The following MYO5B variants were observed in gnomAD, a reference collection of about 807,000 sequenced individuals.
MYO5B encodes the protein myosin VB.
In MYO5B, 143 loss-of-function variants were observed where a neutral mutation model predicts 229.3. That is an observed-to-expected ratio of 0.62 (90% CI 0.54 to 0.72). The LOEUF is 0.72. MYO5B is among the 30% of genes least tolerant of loss of function. The pLI is 0.00. For synonymous variants in MYO5B, 918 were observed against 885.2 expected (o/e 1.04, Z -0.66); for missense variants, 2,321 against 2,331.0 (o/e 1.00, Z 0.09).
chr18:49,954,784 G>T (rs983037052), intron 12 of MYO5B, among the ~76,000 whole-genome samples: 2 of 152,176 alleles, frequency 1.3e-5, no homozygotes, highest in Non-Finnish European at 2.9e-5. Context: ...TGCAACTGGG[G>T]CTGTGACATC....
chr18:49,928,279 C>T (rs1378980082), intron 17 of MYO5B, among the ~76,000 whole-genome samples: 3 of 152,194 alleles, frequency 2.0e-5, no homozygotes, highest in Non-Finnish European at 4.4e-5. Flanking sequence ...TTTTACACTG[C>T]TGGTGGGAAT....
chr18:49,974,953 C>T (rs949496929), intron 9 of MYO5B, among the ~76,000 whole-genome samples: 2 of 152,200 alleles, frequency 1.3e-5, no homozygotes, highest in Non-Finnish European at 2.9e-5. Context: ...CCCCTCCCTC[C>T]ATGCCAGGCT....
intron 18 of MYO5B, among the ~76,000 whole-genome samples, chr18:49,906,925 A>T (rs1258023566): frequency 2.0e-5 from 3 of 152,228 alleles, no homozygotes; most frequent in Non-Finnish European, 2.9e-5. Flanking sequence ...GGTGAGGATT[A>T]TGAAGAAAAC....
At chr18:49,860,653 T>C (rs2024318702) in intron 29 of MYO5B, among the ~76,000 whole-genome samples, 1 of 152,168 alleles carries the variant, frequency 6.6e-6, no homozygotes, top group South Asian at 2.1e-4. Context: ...TTGAGGATCA[T>C]GAATGCTTAA....
intron 30 of MYO5B, 125 bp downstream of exon 30, chr18:49,856,688 C>G (rs1272274244): frequency 1.2e-6 from 1 of 804,654 alleles, no homozygotes; most frequent in Non-Finnish European, 2.2e-6. Flanking sequence ...CAGGGGCTAC[C>G]AGCCAGACTG....
intron 1 of MYO5B, among the ~76,000 whole-genome samples, chr18:50,116,179 C>T (rs1006083294): frequency 2.6e-5 from 4 of 152,166 alleles, no homozygotes; most frequent in Admixed American, 6.5e-5. Context: ...CCAAAGTTTT[C>T]GGCCATGGGC....
intron 39 of MYO5B, among the ~76,000 whole-genome samples, chr18:49,828,446 T>C (rs371941452): frequency 1.5e-3 from 225 of 152,338 alleles, no homozygotes; most frequent in African/African-American, 5.2e-3. Context: ...GAAGGGAGAA[T>C]TGACAGACTT....
intron 1 of MYO5B, among the ~76,000 whole-genome samples, chr18:50,057,028 A>G (rs1024975806): frequency 6.6e-6 from 1 of 152,236 alleles, no homozygotes; most frequent in Non-Finnish European, 1.5e-5. Flanking sequence ...ATAGTAAAAT[A>G]ATATAGAGCT....
At position 50,001,351 on chromosome 18, in the gene MYO5B, T is replaced by C; in HGVS notation, c.516A>G (p.Ser172=). Residue 172 remains serine (S), a synonymous_variant, in exon 5 of 40, where the codon TCA becomes TCG. Transcript: ENST00000285039. ...SGESGAGKTV[S]AKYAMRYFAT... ...CGAAATAGCGCATGGCATACTTGGC[T>C]GATACCGTCTTCCCGGCTCCAGACT... 6.2e-7 allele frequency: 1 copy of C among 1,614,204 alleles called. No individual in the cohort carries two copies. Among genetic ancestry groups the C allele is most frequent in the African/African-American group, 1.3e-5 (1 of 75,064 alleles).
At chr18:50,054,939 C>A (rs1239090734) in intron 2 of MYO5B, among the ~76,000 whole-genome samples, 3 of 152,138 alleles carry the variant, frequency 2.0e-5, no homozygotes, top group African/African-American at 4.8e-5. Flanking sequence ...CCTGCAGGGA[C>A]CCTTGTAGCA....
intron 22 of MYO5B, among the ~76,000 whole-genome samples, chr18:49,884,729 G>T (rs1461274129): frequency 6.6e-6 from 1 of 152,064 alleles, no homozygotes; most frequent in Non-Finnish European, 1.5e-5. Flanking sequence ...ATGGCCTAGG[G>T]GTTGGGGACT....
intron 4 of MYO5B, among the ~76,000 whole-genome samples, chr18:50,027,081 A>G (rs1436405267): frequency 1.3e-5 from 2 of 152,248 alleles, no homozygotes; most frequent in South Asian, 2.1e-4. Context: ...TACACAGTAG[A>G]AAAAGAAAGA....
intron 9 of MYO5B, 48 bp downstream of exon 9, chr18:49,980,396 C>T (rs760843669): frequency 1.7e-5 from 22 of 1,308,102 alleles, no homozygotes; most frequent in Middle Eastern, 3.6e-4. Flanking sequence ...TATCAAAGAA[C>T]AGGGTAAATT....
chr18:50,007,521 C>G (rs1232557466), intron 4 of MYO5B, among the ~76,000 whole-genome samples: 1 of 152,128 alleles, frequency 6.6e-6, no homozygotes, highest in Non-Finnish European at 1.5e-5. Flanking sequence ...CAATGGCATC[C>G]CTCTATCCTC....
At chr18:50,159,336 C>CTGATTAT (rs1424257290) in intron 1 of MYO5B, among the ~76,000 whole-genome samples, 1 of 152,142 alleles carries the variant, frequency 6.6e-6, no homozygotes, top group Admixed American at 6.5e-5. Flanking sequence ...TTGATTATTT[C>CTGATTAT]AACCCCTGCA....
intron 1 of MYO5B, among the ~76,000 whole-genome samples, chr18:50,171,467 G>A (rs1406596747): frequency 2.3e-5 from 3 of 127,666 alleles, no homozygotes; most frequent in African/African-American, 3.0e-5. Context: ...AACATTCCAG[G>A]CAGATACAGC....
At chr18:50,034,275 T>C (rs984992946) in intron 4 of MYO5B, among the ~76,000 whole-genome samples, 1 of 152,186 alleles carries the variant, frequency 6.6e-6, no homozygotes, top group Admixed American at 6.5e-5. Context: ...ATGAATGTGT[T>C]CTAGTGTCTA....
chr18:49,960,066 G>A (rs113602359), intron 12 of MYO5B, among the ~76,000 whole-genome samples: 4 of 152,130 alleles, frequency 2.6e-5, no homozygotes, highest in South Asian at 2.1e-4. Context: ...GCCCTGGGGA[G>A]TGCTCCCTGC....
At chr18:49,938,115 G>A (rs186567199) in intron 14 of MYO5B, among the ~76,000 whole-genome samples, 60 of 152,270 alleles carry the variant, frequency 3.9e-4, no homozygotes, top group East Asian at 3.3e-3. Context: ...GTAGGAGGTG[G>A]CTATGCTTTA....
Sources: gnomAD v4.1 joint callset for allele counts (sites outside exome capture counted in the v4.1 genomes callset) on GRCh38, gnomAD v4.1.1 for gene constraint, MANE v1.5 for transcripts, NCBI Gene and HGNC (gene_info 2026-07-23, HGNC 2026-07-21) for gene names.